Variants in GUCY2F observed in about 807,000 individuals in gnomAD.
The protein encoded by GUCY2F is guanylate cyclase 2F, retinal.
Under a neutral mutation model 73.1 loss-of-function variants are expected in GUCY2F, and 61 were observed. The ratio of observed to expected loss-of-function variants is 0.83; its 90% CI spans 0.68 to 1.03. The LOEUF (loss-of-function observed/expected upper bound fraction) is 1.03. Ranked by LOEUF, GUCY2F falls within the 50% of genes least tolerant of loss-of-function variation. GUCY2F has a pLI of 0.00. For synonymous variants in GUCY2F, 331 were observed against 307.8 expected (o/e 1.08, Z -0.79); for missense variants, 912 against 854.3 (o/e 1.07, Z -0.84).
chrX:109,448,114 C>T lies in GUCY2F; in HGVS notation c.1524G>A (p.Leu508=). The T allele has an allele frequency of 8.8e-7, 1 of 1,134,919 alleles. No individual in the cohort carries two copies. The highest frequency in any genetic ancestry group is 3.0e-5 in the East Asian group (1 of 33,369). 93.5% of individuals were successfully genotyped at this position (1,134,919 alleles called of 1,213,427 possible). A position where few individuals can be genotyped will look rare whatever the true frequency, so the allele number is the denominator to read the frequency against. ...TGATAAACGTTACATCCTCCAAAGTCAGTAGAATTCTATTGGGTCCTTTGA... is the reference window on the plus strand; with the variant it reads ...TGATAAACGTTACATCCTCCAAAGTTAGTAGAATTCTATTGGGTCCTTTGA... ...QLIKGPNRIL[L]TLEDVTFINP... The change falls in exon 6 of 20, where the codon CTG becomes CTA. Residue 508 remains leucine, a synonymous_variant. Transcript: ENST00000218006.
chrX:109,423,433 A>C (rs1372213032), intron 8 of GUCY2F, among the ~76,000 whole-genome samples: 1 of 111,601 alleles, frequency 9.0e-6, no homozygotes, highest in African/African-American at 3.3e-5. Context: ...TTGAAAATTA[A>C]TAATAACCAC....
chrX:109,446,749 G>A (rs1348845430), intron 6 of GUCY2F, among the ~76,000 whole-genome samples: 4 of 111,712 alleles, frequency 3.6e-5, no homozygotes, highest in South Asian at 3.7e-4. Flanking sequence ...CACAAGCAAT[G>A]GCAACAAAAG....
intron 5 of GUCY2F, among the ~76,000 whole-genome samples, chrX:109,449,550 G>C (rs1932094379): frequency 1.8e-5 from 2 of 111,716 alleles, no homozygotes; most frequent in Admixed American, 1.9e-4. Flanking sequence ...AGAGACCTGG[G>C]GTGTGGTGCA....
At chrX:109,457,743 A>G (rs1251480749) in intron 3 of GUCY2F, among the ~76,000 whole-genome samples, 1 of 111,234 alleles carries the variant, frequency 9.0e-6, no homozygotes, top group Non-Finnish European at 1.9e-5. Flanking sequence ...AGGCACCCAT[A>G]TTTAGGGTAA....
chrX:109,375,442 G>A (rs1452171424), intron 19 of GUCY2F, among the ~76,000 whole-genome samples: 4 of 111,338 alleles, frequency 3.6e-5, no homozygotes, highest in East Asian at 2.9e-4. Flanking sequence ...CAGTGCCTCC[G>A]GAGGAAATGA....
Position 109,441,583 on chromosome X carries a change from T to G in GUCY2F, c.1570-101A>C, listed in dbSNP as rs1361623504. The G allele has an allele frequency of 1.1e-5, 6 of 538,571 alleles. No individual in the cohort carries two copies. The South Asian group carries it at 1.5e-4, about 14-fold the overall frequency. 44.4% of individuals were successfully genotyped at this position (538,571 alleles called of 1,213,427 possible). ...TTTTATTCCTAAGAAAATAACCATATGAGTTGAACCCTGTAAACATGAGAT... is the reference window on the plus strand; with the variant it reads ...TTTTATTCCTAAGAAAATAACCATAGGAGTTGAACCCTGTAAACATGAGAT... On this transcript the variant is annotated intron_variant, in intron 6 of 19. Coordinates refer to ENST00000218006, the MANE Select transcript of GUCY2F (RefSeq NM_001522.3).
intron 4 of GUCY2F, 61 bp from the exon 5 acceptor site, chrX:109,452,168 G>T: frequency 1.6e-6 from 1 of 636,218 alleles, no homozygotes; most frequent in Non-Finnish European, 2.7e-6. Flanking sequence ...TAAATAAAGG[G>T]CACCACAGAG....
chrX:109,412,078 A>G (rs1931124364), intron 8 of GUCY2F, among the ~76,000 whole-genome samples: 1 of 112,138 alleles, frequency 8.9e-6, no homozygotes, highest in African/African-American at 3.2e-5. Context: ...GAATTTCACC[A>G]TTAAAATTTA....
intron 3 of GUCY2F, among the ~76,000 whole-genome samples, chrX:109,464,236 C>A (rs903576711): frequency 5.4e-5 from 6 of 112,098 alleles, no homozygotes; most frequent in Admixed American, 9.4e-5. Flanking sequence ...TATTCATCCT[C>A]TTTGTTTTTG....
In GUCY2F at chrX:109,475,717, C is replaced by G. The variant is rs61731776; in HGVS notation, c.220G>C (p.Val74Leu). The G allele has an allele frequency of 8.8e-4, 1,063 of 1,209,482 alleles. 13 individuals are homozygous for G. The African/African-American group carries it at 0.016, about 19-fold the overall frequency. The change falls in exon 2 of 20, where the codon GTT (valine) becomes CTT (leucine). Residue 74 changes from valine (V) to leucine (L), a missense_variant. Physicochemically the swap from Val to Leu is conservative, Grantham distance 32. Transcript: ENST00000218006. Reference protein sequence around the residue: ...DSLFSKALPEVAARLAIERIN... With the variant: ...DSLFSKALPELAARLAIERIN... ...CGCTCAATGGCTAATCGCGCAGCAACCTCAGGCAGGGCCTTTGAAAACAGC... is the reference window on the plus strand; with the variant it reads ...CGCTCAATGGCTAATCGCGCAGCAAGCTCAGGCAGGGCCTTTGAAAACAGC...
At chrX:109,376,840 TTC>T (rs1422730463) in intron 17 of GUCY2F, among the ~76,000 whole-genome samples, 1 of 111,880 alleles carries the variant, frequency 8.9e-6, no homozygotes, top group Non-Finnish European at 1.9e-5. Context: ...TGTTCTGCCT[TTC>T]TCTCTTTCCA....
Position 109,410,734 on chromosome X carries a change from T to C in GUCY2F, c.1792-1566A>G, listed in dbSNP as rs756242470. ...GCTGTAAGAGCTCAAATGTTAAGTA[T>C]CTAATTCACCCTAGGGTAGTCAGAG... On this transcript the variant is annotated intron_variant, in intron 8 of 19. Transcript: ENST00000218006. Among the ~76,000 whole-genome samples, 5 of 112,185 alleles carry C rather than the reference T, an allele frequency of 4.5e-5. No homozygotes were observed. In the South Asian group the frequency reaches 1.1e-3, roughly 25 times the overall value.
rs150219084 is a variant in GUCY2F, at chrX:109,395,411, A to G, written c.2354T>C (p.Leu785Pro). The change falls in exon 12 of 20, where the codon CTC becomes CCC. Residue 785 changes from leucine to proline, a missense_variant. Coordinates refer to ENST00000218006, the MANE Select transcript of GUCY2F (RefSeq NM_001522.3). The part of the protein sequence containing the change: ...VPPEHAPPEC[L>P]QLMKQCWAEA... ...AGCCCAGCACTGCTTCATCAGCTGGAGACATTCTGGAGGGGCATGCTCAGG... is the reference window on the plus strand; with the variant it reads ...AGCCCAGCACTGCTTCATCAGCTGGGGACATTCTGGAGGGGCATGCTCAGG... 1.1e-4 allele frequency: 136 copies of G among 1,198,570 alleles called. No homozygotes were observed. Among genetic ancestry groups the G allele is most frequent in the Non-Finnish European group, 1.5e-4 (130 of 884,643 alleles).
chrX:109,434,292 C>T, intron 7 of GUCY2F, among the ~76,000 whole-genome samples: 1 of 110,742 alleles, frequency 9.0e-6, no homozygotes. Flanking sequence ...ACTGCATCTG[C>T]CATTCACAGC....
At chrX:109,428,958 A>G (rs1931548073) in intron 8 of GUCY2F, among the ~76,000 whole-genome samples, 1 of 112,234 alleles carries the variant, frequency 8.9e-6, no homozygotes, top group Non-Finnish European at 1.9e-5. Flanking sequence ...CAATACTTCT[A>G]GTGTATCAGC....
chrX:109,453,000 A>G (rs899451748), intron 4 of GUCY2F, among the ~76,000 whole-genome samples: 9 of 112,059 alleles, frequency 8.0e-5, no homozygotes. Flanking sequence ...AGAGACAATC[A>G]GTACACAAGA....
At chrX:109,450,858 A>C (rs1407631813) in intron 5 of GUCY2F, among the ~76,000 whole-genome samples, 5 of 112,305 alleles carry the variant, frequency 4.5e-5, no homozygotes, top group African/African-American at 1.6e-4. Flanking sequence ...ACTTATTAAA[A>C]TATCAGAGCT....
rs138785559 is a variant in GUCY2F at position 109,389,461 on chromosome X, C to T, written c.2782-798G>A. On this transcript the variant is annotated intron_variant, in intron 14 of 19. Coordinates refer to ENST00000218006, the MANE Select transcript of GUCY2F (RefSeq NM_001522.3). Reference sequence around the variant, plus strand: ...TACAAGTTTGAATCCAGTTAAAACCCATGTGTTCCCAGAGAACTGCACTCA... The same window carrying T: ...TACAAGTTTGAATCCAGTTAAAACCTATGTGTTCCCAGAGAACTGCACTCA... Among the ~76,000 whole-genome samples, 490 of 111,968 alleles carry T rather than the reference C, an allele frequency of 4.4e-3. 5 individuals are homozygous for T. In the East Asian group the frequency reaches 0.051, roughly 12 times the overall value.
chrX:109,390,611 A>T (rs964743849), intron 14 of GUCY2F, among the ~76,000 whole-genome samples: 2 of 112,833 alleles, frequency 1.8e-5, no homozygotes, highest in African/African-American at 6.4e-5. Flanking sequence ...AAGACCCCCA[A>T]CAATTGTCTG....
Sources: allele counts gnomAD v4.1 joint callset (sites outside exome capture counted in the v4.1 genomes callset), GRCh38; gene constraint gnomAD v4.1.1; transcripts MANE v1.5; gene names NCBI Gene and HGNC (gene_info 2026-07-23, HGNC 2026-07-21).